Variants in GRPR observed in about 807,000 individuals in gnomAD.
GRPR encodes gastrin releasing peptide receptor.
Under a neutral mutation model 15.6 loss-of-function variants are expected in GRPR, and 4 were observed. That is an observed-to-expected ratio of 0.26 (90% CI 0.13 to 0.59). The LOEUF (loss-of-function observed/expected upper bound fraction) is 0.59. GRPR is among the 20% of genes least tolerant of loss of function. GRPR has a pLI of 0.90. For missense variants in GRPR, 270 were observed against 304.1 expected (o/e 0.89, Z 0.83); for synonymous variants, 128 against 126.8 (o/e 1.01, Z -0.06).
chrX:16,137,169 A>G (rs1298476479), intron 1 of GRPR, among the ~76,000 whole-genome samples: 2 of 111,923 alleles, frequency 1.8e-5, no homozygotes, highest in African/African-American at 6.5e-5. Context: ...AGGCACTGTC[A>G]TATCATGAAC....
chrX:16,139,567 C>A (rs1034909567), intron 1 of GRPR, among the ~76,000 whole-genome samples: 225 of 111,062 alleles, frequency 2.0e-3, no homozygotes, highest in African/African-American at 6.6e-3. Flanking sequence ...GATTGGGCAC[C>A]CCTGATTTAA....
chrX:16,131,544 A>G (rs1922376970), intron 1 of GRPR, among the ~76,000 whole-genome samples: 1 of 111,913 alleles, frequency 8.9e-6, no homozygotes, highest in Non-Finnish European at 1.9e-5. Flanking sequence ...TCACATCACT[A>G]CCACCACCAG....
chrX:16,125,696 T>A (rs1922279580), intron 1 of GRPR, among the ~76,000 whole-genome samples: 1 of 112,227 alleles, frequency 8.9e-6, no homozygotes. Context: ...CACGACATTT[T>A]CAAAGTCTGA....
intron 1 of GRPR, among the ~76,000 whole-genome samples, chrX:16,134,548 T>C (rs1444473247): frequency 9.0e-6 from 1 of 111,531 alleles, no homozygotes; most frequent in Admixed American, 9.5e-5. Context: ...CAGTCAGGGA[T>C]TGAACAGATT....
intron 1 of GRPR, among the ~76,000 whole-genome samples, chrX:16,140,911 C>T (rs184632380): frequency 1.6e-3 from 175 of 111,608 alleles, no homozygotes; most frequent in African/African-American, 5.1e-3. Context: ...TCTTTGTCTT[C>T]GTGATTTGTT....
At chrX:16,131,842 G>A (rs774215607) in intron 1 of GRPR, among the ~76,000 whole-genome samples, 4 of 112,240 alleles carry the variant, frequency 3.6e-5, no homozygotes, top group South Asian at 3.7e-4. Flanking sequence ...GTTGTTTTTG[G>A]TTTGGGTGAT....
In GRPR at chrX:16,124,093, A is replaced by G; in HGVS notation, c.140A>G (p.Tyr47Cys). 8.3e-7 allele frequency: 1 copy of G among 1,209,981 alleles called. No homozygotes were observed. The highest frequency in any genetic ancestry group is 1.1e-6 in the Non-Finnish European group (1 of 893,912). ...ATCCTCTATGTCATCCCTGCAGTTT[A>G]TGGGGTTATCATTCTGATAGGCCTC... Reference protein sequence around the residue: ...PGILYVIPAVYGVIILIGLIG... With the variant: ...PGILYVIPAVCGVIILIGLIG... The change falls in exon 1 of 3, where the codon TAT becomes TGT. Residue 47 changes from tyrosine to cysteine, a missense_variant. Physicochemically the swap from Tyr to Cys is radical, Grantham distance 194. Transcript: ENST00000380289.
rs372385144 is a variant in GRPR, at chrX:16,152,657, A to G, written c.*12A>G. The G allele has an allele frequency of 1.8e-5, 21 of 1,195,177 alleles. No individual in the cohort carries two copies. The African/African-American group carries it at 2.5e-4, about 14-fold the overall frequency. On this transcript the variant is annotated 3_prime_UTR_variant, in exon 3 of 3. Coordinates refer to ENST00000380289, the MANE Select transcript of GRPR (RefSeq NM_005314.3). Reference sequence around the variant, plus strand: ...AGCGGTATGTCTAGATTGACCCTTGATTTTGCCCCCTGAGGGACGGTTTTG... The same window carrying G: ...AGCGGTATGTCTAGATTGACCCTTGGTTTTGCCCCCTGAGGGACGGTTTTG...
intron 1 of GRPR, among the ~76,000 whole-genome samples, chrX:16,148,634 A>G (rs1314417982): frequency 8.9e-6 from 1 of 112,237 alleles, no homozygotes; most frequent in Non-Finnish European, 1.9e-5. Context: ...GTCTCAACTC[A>G]TATCAACTTC....
Position 16,150,510 on chromosome X carries a change from C to A in GRPR, c.619C>A (p.Pro207Thr). 8.3e-7 allele frequency: 1 copy of A among 1,204,643 alleles called. No homozygotes were observed. Among genetic ancestry groups the A allele is most frequent in the Non-Finnish European group, 1.1e-6 (1 of 888,947 alleles). The change falls in exon 2 of 3, where the codon CCC (proline) becomes ACC (threonine). Residue 207 changes from proline (P) to threonine (T), a missense_variant. Transcript: ENST00000380289. ...APYPHSNELH[P>T]KIHSMASFLV... ...ATACCCACACTCTAATGAGCTTCACCCCAAAATCCATTCTATGGCTTCCTT... is the reference window on the plus strand; with the variant it reads ...ATACCCACACTCTAATGAGCTTCACACCAAAATCCATTCTATGGCTTCCTT...
intron 1 of GRPR, among the ~76,000 whole-genome samples, chrX:16,148,107 G>A (rs191017002): frequency 2.2e-3 from 250 of 111,823 alleles, no homozygotes; most frequent in African/African-American, 7.6e-3. Context: ...AAGCAGGACT[G>A]TAGTATTGTT....
chrX:16,147,284 A>G (rs902978339), intron 1 of GRPR, among the ~76,000 whole-genome samples: 14 of 111,974 alleles, frequency 1.3e-4, no homozygotes, highest in African/African-American at 4.5e-4. Context: ...CACTCAATAC[A>G]TTAAAAATAA....
intron 1 of GRPR, among the ~76,000 whole-genome samples, chrX:16,148,834 G>A (rs928237640): frequency 3.6e-5 from 4 of 111,711 alleles, no homozygotes; most frequent in East Asian, 5.7e-4. Context: ...GCTAGAGACC[G>A]TATGGGGAGT....
chrX:16,150,404 G>A lies in GRPR; in HGVS notation c.513G>A (p.Leu171=), dbSNP rs993812873. The change falls in exon 2 of 3, where the codon CTG becomes CTA. Residue 171 remains leucine (L), a synonymous_variant. Transcript: ENST00000380289. The stretch of plus-strand genomic sequence containing the variant: ...TTATCTGGATCATCTCCATGCTGCT[G>A]GCCATTCCAGAGGCCGTGTTTTCTG... ...AAFIWIISML[L]AIPEAVFSDL... The A allele has an allele frequency of 1.7e-6, 2 of 1,207,574 alleles. No individual in the cohort carries two copies. Among genetic ancestry groups the A allele is most frequent in the Non-Finnish European group, 2.2e-6 (2 of 892,006 alleles).
Position 16,152,727 on chromosome X carries a change from G to A in GRPR, c.*82G>A. 1.1e-6 allele frequency: 1 copy of A among 904,067 alleles called. No homozygotes were observed. Among genetic ancestry groups the A allele is most frequent in the Non-Finnish European group, 1.6e-6 (1 of 619,859 alleles). 74.5% of individuals were successfully genotyped at this position (904,067 alleles called of 1,213,427 possible). ...CCCTTGCATCCATTGTTGTGTCTGT[G>A]CCCTCCAAAGAGCCTTCAGAATGCT... is the stretch of plus-strand genomic sequence containing the variant. On this transcript the variant is annotated 3_prime_UTR_variant, in exon 3 of 3. Coordinates refer to ENST00000380289, the MANE Select transcript of GRPR (RefSeq NM_005314.3).
At chrX:16,148,976 A>C (rs746020313) in intron 1 of GRPR, among the ~76,000 whole-genome samples, 1 of 111,952 alleles carries the variant, frequency 8.9e-6, no homozygotes, top group South Asian at 3.8e-4. Context: ...AGCTGTGGTC[A>C]TGTTCTTTTG....
At position 16,152,634 on chromosome X, in the gene GRPR, C is replaced by T. The variant is rs370199650; in HGVS notation, c.1144C>T (p.Arg382Trp). Residue 382 changes from arginine to tryptophan, a missense_variant, in exon 3 of 3, where the codon CGG becomes TGG. Transcript: ENST00000380289. ...CATCAATGGAAACATCTGTCACGAG[C>T]GGTATGTCTAGATTGACCCTTGATT... ...SLINGNICHERYV is the reference protein window; with the variant it reads ...SLINGNICHEWYV 7 of 1,209,025 alleles carry T rather than the reference C, an allele frequency of 5.8e-6. No homozygotes were observed. Among genetic ancestry groups the T allele is most frequent in the Middle Eastern group, 2.3e-4 (1 of 4,351 alleles).
chrX:16,144,388 T>C (rs1280550130), intron 1 of GRPR, among the ~76,000 whole-genome samples: 1 of 112,120 alleles, frequency 8.9e-6, no homozygotes, highest in Admixed American at 9.5e-5. Context: ...CCATTTAGTT[T>C]GTTTAATTAT....
At chrX:16,136,056 G>A (rs1315990654) in intron 1 of GRPR, among the ~76,000 whole-genome samples, 5 of 111,760 alleles carry the variant, frequency 4.5e-5, no homozygotes, top group Non-Finnish European at 7.5e-5. Flanking sequence ...AAAGACCCGA[G>A]CATCTAAAGT....
Sources: allele counts gnomAD v4.1 joint callset (sites outside exome capture counted in the v4.1 genomes callset), GRCh38; gene constraint gnomAD v4.1.1; transcripts MANE v1.5; gene names NCBI Gene and HGNC (gene_info 2026-07-23, HGNC 2026-07-21).